The following NFILZ variants were observed in gnomAD, a reference collection of about 807,000 sequenced individuals.
NFILZ encodes NFIL3 like basic leucine zipper.
intron 2 of NFILZ, among the ~76,000 whole-genome samples, chr19:8,633,939 C>T (rs1203172295): frequency 2.1e-5 from 3 of 144,128 alleles, no homozygotes; most frequent in African/African-American, 7.8e-5. Flanking sequence ...TCCTTCCTTC[C>T]TTCCTTCCCT....
At chr19:8,669,463 G>A (rs1197839976) in intron 3 of NFILZ, among the ~76,000 whole-genome samples, 1 of 151,902 alleles carries the variant, frequency 6.6e-6, no homozygotes, top group East Asian at 1.9e-4. Flanking sequence ...TTTGAACCCA[G>A]TTAAAGCAGG....
intron 3 of NFILZ, among the ~76,000 whole-genome samples, chr19:8,651,466 A>G (rs774695085): frequency 2.0e-5 from 3 of 151,860 alleles, no homozygotes; most frequent in Non-Finnish European, 2.9e-5. Context: ...CCGACCTTCA[A>G]TAAGTTATTG....
intron 3 of NFILZ, among the ~76,000 whole-genome samples, chr19:8,653,030 T>TCTCCCTCTCTCTCTC (rs1568420472): frequency 1.7e-5 from 1 of 59,572 alleles, no homozygotes; most frequent in Non-Finnish European, 3.6e-5. Context: ...CTTTCTTTCT[T>TCTCCCTCTCTCTCTC]TCTTTCTTTC....
At chr19:8,656,219 A>ACCTTCTCCCTGCAGCCCG (rs1555748303) in intron 3 of NFILZ, among the ~76,000 whole-genome samples, 21,514 of 132,628 alleles carry the variant, frequency 0.16, 647 homozygotes, top group Non-Finnish European at 0.2. Context: ...CCTGCAGCCC[A>ACCTTCTCCCTGCAGCCCG]CCTTCTCCCA....
At chr19:8,642,501 T>G (rs1555746743) in intron 3 of NFILZ, among the ~76,000 whole-genome samples, 1 of 152,182 alleles carries the variant, frequency 6.6e-6, no homozygotes, top group East Asian at 1.9e-4. Flanking sequence ...GCCAGGCGGT[T>G]CTTCTGTCGG....
At chr19:8,647,789 GCGCGCGCACACACACACACA>G (rs1444322588) in intron 3 of NFILZ, among the ~76,000 whole-genome samples, 6 of 107,934 alleles carry the variant, frequency 5.6e-5, no homozygotes, top group Middle Eastern at 4.8e-3. Context: ...GCGCGCGCGC[GCGCGCGCACACACACACACA>G]CACACACACA....
chr19:8,671,970 G>T (rs1034238730), intron 3 of NFILZ, among the ~76,000 whole-genome samples: 3 of 152,202 alleles, frequency 2.0e-5, no homozygotes, highest in African/African-American at 4.8e-5. Context: ...CCTTTGTGGG[G>T]AGAGAGGACC....
chr19:8,675,299 T>C (rs781955243), intron 4 of NFILZ, among the ~76,000 whole-genome samples: 2 of 152,194 alleles, frequency 1.3e-5, no homozygotes, highest in Non-Finnish European at 2.9e-5. Context: ...ACCTGTTTTG[T>C]ATCTGAATCA....
At chr19:8,675,463 C>T (rs1400696317) in intron 4 of NFILZ, among the ~76,000 whole-genome samples, 1 of 152,148 alleles carries the variant, frequency 6.6e-6, no homozygotes, top group Admixed American at 6.5e-5. Context: ...TTTCTGGGCT[C>T]CACCCTAGGG....
At chr19:8,673,367 A>G (rs530253059) in intron 3 of NFILZ, among the ~76,000 whole-genome samples, 7 of 152,272 alleles carry the variant, frequency 4.6e-5, no homozygotes, top group Admixed American at 3.3e-4. Flanking sequence ...GCTACCAGGA[A>G]CAAAGCTCAG....
chr19:8,630,768 C>G (rs1175626674), intron 1 of NFILZ, 24 bp downstream of exon 1: 1 of 152,280 alleles, frequency 6.6e-6, no homozygotes, highest in Non-Finnish European at 1.5e-5. Context: ...GAGGCTGAGT[C>G]TTCCTTCCCA....
intron 3 of NFILZ, among the ~76,000 whole-genome samples, chr19:8,664,024 T>C (rs1555749498): frequency 1.3e-5 from 2 of 152,182 alleles, no homozygotes; most frequent in African/African-American, 2.4e-5. Context: ...GGCCAGAGAC[T>C]GTGGGCTCCA....
chr19:8,654,724 A>G (rs782078727), intron 3 of NFILZ, among the ~76,000 whole-genome samples: 3 of 152,234 alleles, frequency 2.0e-5, no homozygotes, highest in Non-Finnish European at 1.5e-5. Context: ...AGTTCCATAC[A>G]GCGCCCACCA....
chr19:8,658,117 G>T (rs1421346694), intron 3 of NFILZ, among the ~76,000 whole-genome samples: 3 of 152,208 alleles, frequency 2.0e-5, no homozygotes, highest in African/African-American at 7.2e-5. Flanking sequence ...CCTGAGGCAG[G>T]ACAGTGCCTG....
At chr19:8,640,837 C>T (rs1188473995) in intron 3 of NFILZ, among the ~76,000 whole-genome samples, 1 of 152,092 alleles carries the variant, frequency 6.6e-6, no homozygotes, top group Admixed American at 6.6e-5. Context: ...GGAGAACCTC[C>T]TTGGGCAGGT....
intron 3 of NFILZ, among the ~76,000 whole-genome samples, chr19:8,669,089 G>A (rs995867298): frequency 6.6e-5 from 10 of 152,084 alleles, no homozygotes; most frequent in East Asian, 1.9e-4. Flanking sequence ...GACTACAGGC[G>A]TGCACTACCA....
intron 3 of NFILZ, among the ~76,000 whole-genome samples, chr19:8,656,536 G>A (rs1308495037): frequency 3.7e-5 from 4 of 108,392 alleles, no homozygotes; most frequent in African/African-American, 1.2e-4. Flanking sequence ...TCTCTCTGAA[G>A]CTCCCCTTCT....
chr19:8,642,621 C>T (rs904753967), intron 3 of NFILZ, among the ~76,000 whole-genome samples: 1 of 152,030 alleles, frequency 6.6e-6, no homozygotes, highest in African/African-American at 2.4e-5. Flanking sequence ...TGCTGGGGTG[C>T]CTTGGTTCTC....
At position 8,633,485 on chromosome 19, in the gene NFILZ, T is replaced by A. The variant is rs139731392; in HGVS notation, c.-261+860T>A. On this transcript the variant is annotated intron_variant, in intron 2 of 5. Transcript: ENST00000691075. ...TGAGGTAGGGAAGCTGCGGCTAAGC[T>A]GAGGCTGCACAGGGAAGGTGTCTTG... Among the ~76,000 whole-genome samples, 7 of 152,296 alleles carry A rather than the reference T, an allele frequency of 4.6e-5. No homozygotes were observed. The East Asian group carries it at 1.4e-3, about 29-fold the overall frequency.
Sources: allele counts gnomAD v4.1 joint callset (sites outside exome capture counted in the v4.1 genomes callset), GRCh38; gene constraint gnomAD v4.1.1; transcripts MANE v1.5; gene names NCBI Gene and HGNC (gene_info 2026-07-23, HGNC 2026-07-21).